Variants in MSI2 observed in about 807,000 individuals in gnomAD.
MSI2 encodes the protein musashi RNA binding protein 2, also known as RNA-binding protein Musashi homolog 2.
Under a neutral mutation model 45.6 loss-of-function variants are expected in MSI2, and 17 were observed. That is an observed-to-expected ratio of 0.37 (90% CI 0.26 to 0.56). The LOEUF is 0.56. MSI2 is among the 20% of genes least tolerant of loss of function. The pLI is 0.77. For synonymous variants in MSI2, 156 were observed against 158.2 expected (o/e 0.99, Z 0.11); for missense variants, 293 against 444.2 (o/e 0.66, Z 3.06).
At chr17:57,312,968 T>C (rs372869475) in intron 5 of MSI2, among the ~76,000 whole-genome samples, 75 of 152,280 alleles carry the variant, frequency 4.9e-4, no homozygotes, top group African/African-American at 1.7e-3. Context: ...TGCCTCAGCC[T>C]CCCGAGTAGC....
intron 5 of MSI2, among the ~76,000 whole-genome samples, chr17:57,354,508 G>A (rs1370401477): frequency 6.6e-6 from 1 of 152,150 alleles, no homozygotes; most frequent in African/African-American, 2.4e-5. Context: ...ATTCCAGGTG[G>A]GGGAGGGGTG....
intron 6 of MSI2, among the ~76,000 whole-genome samples, chr17:57,430,146 A>C (rs1426307838): frequency 6.6e-6 from 1 of 152,184 alleles, no homozygotes; most frequent in Non-Finnish European, 1.5e-5. Context: ...GCGTGTGACC[A>C]TGAGTACTAG....
rs113332637 is a variant in MSI2, at chr17:57,377,128, A to G, written c.313-24251A>G. 4.1e-4 allele frequency among the ~76,000 whole-genome samples: 63 copies of G among 152,102 alleles called. 1 individual carries two copies. The highest frequency in any genetic ancestry group is 2.9e-3 in the East Asian group (15 of 5,156). ...GTAGAGACGAGGTTTCACTGTGTTT[A>G]CCAGGATGGTCTCGATCTCCTGACC... On this transcript the variant is annotated intron_variant, in intron 5 of 13. Transcript: ENST00000284073.
At chr17:57,688,077 C>T (rs964052710), downstream of MSI2, among the ~76,000 whole-genome samples, 1 of 152,006 alleles carries the variant, frequency 6.6e-6, no homozygotes, top group Non-Finnish European at 1.5e-5. Context: ...TTAATATTTG[C>T]CAAACCAACA....
intron 7 of MSI2, among the ~76,000 whole-genome samples, chr17:57,553,871 GTT>G (rs975952688): frequency 6.6e-6 from 1 of 152,212 alleles, no homozygotes; most frequent in African/African-American, 2.4e-5. Context: ...CAGCCCACAA[GTT>G]TGTCTCTTTC....
intron 5 of MSI2, among the ~76,000 whole-genome samples, chr17:57,365,730 A>G (rs1358514451): frequency 1.3e-5 from 2 of 152,156 alleles, no homozygotes; most frequent in Non-Finnish European, 2.9e-5. Flanking sequence ...CAATGAGCAA[A>G]CAGAGAATGT....
chr17:57,502,596 C>T (rs1362758316), intron 6 of MSI2, among the ~76,000 whole-genome samples: 1 of 55,546 alleles, frequency 1.8e-5, no homozygotes, highest in Non-Finnish European at 3.5e-5. Context: ...GAGAAGATGA[C>T]TCTGAGATAT....
At chr17:57,416,997 T>C (rs1447329633) in intron 6 of MSI2, among the ~76,000 whole-genome samples, 1 of 151,800 alleles carries the variant, frequency 6.6e-6, no homozygotes, top group Non-Finnish European at 1.5e-5. Flanking sequence ...GGAGCAGAGA[T>C]GGTGGTAAGC....
intron 5 of MSI2, among the ~76,000 whole-genome samples, chr17:57,303,103 G>A (rs1435659774): frequency 1.3e-5 from 2 of 152,224 alleles, no homozygotes; most frequent in African/African-American, 4.8e-5. Context: ...CGGTGTTCAC[G>A]GGGAAGTCCC....
chr17:57,500,710 C>T (rs1308216131), intron 6 of MSI2, among the ~76,000 whole-genome samples: 2 of 149,960 alleles, frequency 1.3e-5, no homozygotes, highest in African/African-American at 4.9e-5. Context: ...TGGTGGCTCA[C>T]ACCTGTTATC....
At chr17:57,451,747 T>G (rs1335320109) in intron 6 of MSI2, among the ~76,000 whole-genome samples, 1 of 152,202 alleles carries the variant, frequency 6.6e-6, no homozygotes, top group African/African-American at 2.4e-5. Context: ...GATTCAGGAA[T>G]AGTAGCGAGA....
intron 6 of MSI2, among the ~76,000 whole-genome samples, chr17:57,420,234 G>A (rs2084370520): frequency 1.3e-5 from 2 of 152,178 alleles, no homozygotes; most frequent in Admixed American, 1.3e-4. Flanking sequence ...GGTAGACATG[G>A]GTCAGCCCTG....
intron 5 of MSI2, among the ~76,000 whole-genome samples, chr17:57,399,426 T>G (rs909601913): frequency 1.3e-5 from 2 of 152,180 alleles, no homozygotes; most frequent in Non-Finnish European, 2.9e-5. Context: ...GATATTCAAG[T>G]TTGGGGTTAA....
chr17:57,287,995 T>C (rs1460813805), intron 5 of MSI2, among the ~76,000 whole-genome samples: 1 of 152,092 alleles, frequency 6.6e-6, no homozygotes, highest in Non-Finnish European at 1.5e-5. Flanking sequence ...CTGAGCCTCC[T>C]CCTCCTCCTT....
chr17:57,648,260 TC>T (rs1470319433), intron 10 of MSI2, among the ~76,000 whole-genome samples: 1 of 151,494 alleles, frequency 6.6e-6, no homozygotes, highest in Non-Finnish European at 1.5e-5. Context: ...CACCTTGGCC[TC>T]CCAAAGTGTT....
rs147226655 is a variant in MSI2, at chr17:57,561,937, ATTCAAATTCCGG to A, written c.454+32217_454+32228del. On this transcript the variant is annotated intron_variant, in intron 7 of 13. Transcript: ENST00000284073. ...CAGCTTTGGAGCCCAACAGGCCTGG[ATTCAAATTCCGG>A]TTCTTTCTACTTATTATATATATAA... Among the ~76,000 whole-genome samples the A allele has an allele frequency of 3.7e-4, 57 of 152,320 alleles. No homozygotes were observed. The East Asian group carries it at 8.7e-3, about 23-fold the overall frequency.
At chr17:57,444,226 G>A (rs981732548) in intron 6 of MSI2, among the ~76,000 whole-genome samples, 10 of 152,264 alleles carry the variant, frequency 6.6e-5, no homozygotes, top group Middle Eastern at 3.4e-3. Flanking sequence ...CTCACACAGC[G>A]TCTACAGTGC....
intron 6 of MSI2, among the ~76,000 whole-genome samples, chr17:57,418,506 G>A (rs2084336736): frequency 6.6e-6 from 1 of 152,194 alleles, no homozygotes; most frequent in South Asian, 2.1e-4. Flanking sequence ...GTCACATAAG[G>A]TTTGTTATAG....
At chr17:57,323,663 C>A (rs1276901692) in intron 5 of MSI2, among the ~76,000 whole-genome samples, 1 of 152,228 alleles carries the variant, frequency 6.6e-6, no homozygotes, top group African/African-American at 2.4e-5. Flanking sequence ...CGTCCTGTGG[C>A]CTCACCAGGG....
Sources: gnomAD v4.1 joint callset for allele counts (sites outside exome capture counted in the v4.1 genomes callset) on GRCh38, gnomAD v4.1.1 for gene constraint, MANE v1.5 for transcripts, NCBI Gene and HGNC (gene_info 2026-07-23, HGNC 2026-07-21) for gene names.